PTPRM: variants seen among roughly 807,000 people sequenced by gnomAD.
PTPRM encodes the protein receptor-type tyrosine-protein phosphatase mu.
PTPRM carries 47 observed loss-of-function variants against 186.7 expected under a neutral mutation model. That is an observed-to-expected ratio of 0.25 (90% CI 0.20 to 0.32). PTPRM has a LOEUF of 0.32. Among genes scored for constraint, PTPRM ranks in the 10% least tolerant of loss-of-function variants. The probability of loss-of-function intolerance (pLI) is 1.00; values close to 1 mark genes in which losing one functional copy is unlikely to be tolerated. For synonymous variants in PTPRM, 668 were observed against 674.9 expected, an observed-to-expected ratio of 0.99 and a Z score of 0.16; for missense variants, 1,494 against 1,865.0, an observed-to-expected ratio of 0.80 and a Z score of 3.66.
intron 1 of PTPRM, among the ~76,000 whole-genome samples, chr18:7,601,197 G>A (rs1002109732): frequency 1.3e-5 from 2 of 152,162 alleles, no homozygotes; most frequent in Non-Finnish European, 2.9e-5. Flanking sequence ...TTTCTAGCCC[G>A]CGGTTTCTGA....
At position 8,384,588 on chromosome 18, in the gene PTPRM, G is replaced by A. The variant is rs778904652; in HGVS notation, c.3946G>A (p.Gly1316Arg). Reference sequence around the variant, plus strand: ...GTGTCCACAGTACTGGCCAGAAAACGGAGTACACAGACACGGCCCCATCCA... The same window carrying A: ...GTGTCCACAGTACTGGCCAGAAAACAGAGTACACAGACACGGCCCCATCCA... ...QLCPQYWPEN[G>R]VHRHGPIQVE... is the part of the protein sequence containing the mutation. The change falls in exon 30 of 33, where the codon GGA becomes AGA. Residue 1316 changes from glycine (G) to arginine (R), a missense_variant. This residue lies in a region of PTPRM where 1,107 missense variants were observed against 1,350.2 expected (regional missense o/e 0.82). Transcript: ENST00000580170. 1.6e-5 allele frequency: 26 copies of A among 1,614,144 alleles called. No individual in the cohort carries two copies. The highest frequency in any genetic ancestry group is 1.9e-5 in the Non-Finnish European group (23 of 1,180,002).
Position 7,791,864 on chromosome 18 carries a change from A to G in PTPRM, c.196+17593A>G, listed in dbSNP as rs539462947. ...AGAATTAACTTTATGATGTTTTGATATAAAAGTCAAGAATTAATCCATAAC... is the reference window on the plus strand; with the variant it reads ...AGAATTAACTTTATGATGTTTTGATGTAAAAGTCAAGAATTAATCCATAAC... On this transcript the variant is annotated intron_variant, in intron 2 of 32. Coordinates refer to ENST00000580170, the MANE Select transcript of PTPRM (RefSeq NM_001105244.2). Among the ~76,000 whole-genome samples the G allele has an allele frequency of 1.5e-3, 225 of 152,340 alleles. 7 individuals carry two copies. The South Asian group carries it at 0.042, about 29-fold the overall frequency.
chr18:8,281,618 G>A (rs953169608), intron 19 of PTPRM, among the ~76,000 whole-genome samples: 11 of 152,086 alleles, frequency 7.2e-5, no homozygotes, highest in African/African-American at 2.7e-4. Flanking sequence ...CCTTTCTCTA[G>A]TGGATGCAGG....
chr18:7,808,278 G>A (rs1287276848), intron 2 of PTPRM, among the ~76,000 whole-genome samples: 2 of 148,958 alleles, frequency 1.3e-5, no homozygotes, highest in Admixed American at 6.7e-5. Context: ...TGGTGCAGAC[G>A]GAGGTGGAGG....
At chr18:8,245,280 T>A (rs1037442991) in intron 15 of PTPRM, among the ~76,000 whole-genome samples, 1 of 152,156 alleles carries the variant, frequency 6.6e-6, no homozygotes, top group African/African-American at 2.4e-5. Flanking sequence ...TACATTTTTC[T>A]GCTTGTAGCG....
chr18:7,708,995 G>A (rs1320172616), intron 1 of PTPRM, among the ~76,000 whole-genome samples: 1 of 152,008 alleles, frequency 6.6e-6, no homozygotes, highest in Non-Finnish European at 1.5e-5. Flanking sequence ...TCTTTTTATA[G>A]ATGCTGAAAA....
chr18:7,599,384 A>C (rs141712790), intron 1 of PTPRM, among the ~76,000 whole-genome samples: 4 of 152,252 alleles, frequency 2.6e-5, no homozygotes, highest in African/African-American at 9.6e-5. Context: ...ATGAGAGTTC[A>C]TGCAGGTCTA....
chr18:7,860,242 T>TAGTA (rs2047302798), intron 2 of PTPRM, among the ~76,000 whole-genome samples: 1 of 151,958 alleles, frequency 6.6e-6, no homozygotes, highest in African/African-American at 2.4e-5. Context: ...CCAGCTAATT[T>TAGTA]TTGTATTTTT....
chr18:7,831,046 G>T (rs190778146), intron 2 of PTPRM, among the ~76,000 whole-genome samples: 1 of 152,292 alleles, frequency 6.6e-6, no homozygotes, highest in Admixed American at 6.5e-5. Flanking sequence ...TTCCAGAATT[G>T]TGTTCAGGCA....
At chr18:7,760,143 C>T (rs2041698471) in intron 1 of PTPRM, among the ~76,000 whole-genome samples, 1 of 152,152 alleles carries the variant, frequency 6.6e-6, no homozygotes, top group Admixed American at 6.5e-5. Context: ...TCTCTTTTTG[C>T]TTTAGCATTG....
chr18:7,986,055 T>A (rs752658335), intron 7 of PTPRM, among the ~76,000 whole-genome samples: 35 of 152,264 alleles, frequency 2.3e-4, no homozygotes, highest in Non-Finnish European at 3.5e-4. Context: ...GTCTCAAAAT[T>A]ATGCTTTGAA....
chr18:7,579,366 C>T (rs2036784269), intron 1 of PTPRM, among the ~76,000 whole-genome samples: 2 of 152,316 alleles, frequency 1.3e-5, no homozygotes, highest in South Asian at 2.1e-4. Context: ...AGGAAAGTAA[C>T]AGTGACTCAG....
chr18:8,088,040 A>T (rs886383268), intron 10 of PTPRM, among the ~76,000 whole-genome samples: 2 of 152,194 alleles, frequency 1.3e-5, no homozygotes, highest in Admixed American at 1.3e-4. Context: ...TTGTAGAATT[A>T]TATTTGCCTG....
intron 9 of PTPRM, among the ~76,000 whole-genome samples, chr18:8,083,566 C>G (rs577796069): frequency 1.0e-3 from 155 of 152,244 alleles, no homozygotes; most frequent in Non-Finnish European, 1.7e-3. Context: ...CTATTCGTTT[C>G]TTCCATGGAA....
chr18:8,066,256 C>T (rs1191400946), intron 7 of PTPRM, among the ~76,000 whole-genome samples: 2 of 152,184 alleles, frequency 1.3e-5, no homozygotes, highest in Admixed American at 6.5e-5. Flanking sequence ...AGTCATTGGT[C>T]ATAGCCTATC....
intron 2 of PTPRM, among the ~76,000 whole-genome samples, chr18:7,809,628 C>G (rs2044407321): frequency 6.6e-6 from 1 of 152,178 alleles, no homozygotes; most frequent in Admixed American, 6.5e-5. Flanking sequence ...GCCTCAGCTC[C>G]TGGCCTGAGG....
intron 2 of PTPRM, among the ~76,000 whole-genome samples, chr18:7,867,299 T>C (rs2047757128): frequency 1.3e-5 from 2 of 152,222 alleles, no homozygotes; most frequent in Admixed American, 1.3e-4. Flanking sequence ...GTGTCGATGT[T>C]CTTTACAATT....
In PTPRM at chr18:7,824,427, CTG is replaced by C. The variant is rs10565296; in HGVS notation, c.196+50174_196+50175del. 9.3e-3 allele frequency among the ~76,000 whole-genome samples: 1,395 copies of C among 150,188 alleles called. 12 individuals carry two copies. Among genetic ancestry groups the C allele is most frequent in the African/African-American group, 0.032 (1,287 of 40,728 alleles). On this transcript the variant is annotated intron_variant, in intron 2 of 32. Transcript: ENST00000580170. ...GACGTGGTGATGTGGTTGGATTTTC[CTG>C]TGTGTGTGTGTGTGTGTTTTTTCCT...
intron 1 of PTPRM, among the ~76,000 whole-genome samples, chr18:7,676,663 A>ATGTG (rs765723760): frequency 4.4e-4 from 45 of 103,166 alleles, no homozygotes; most frequent in Admixed American, 7.3e-4. Context: ...GTGTGTGTGT[A>ATGTG]TGTGTGTGTG....
Sources: gnomAD v4.1 joint callset for allele counts (sites outside exome capture counted in the v4.1 genomes callset) on GRCh38, gnomAD v4.1.1 for gene constraint, gnomAD v4.1.1 regional missense constraint, MANE v1.5 for transcripts, NCBI Gene and HGNC (gene_info 2026-07-23, HGNC 2026-07-21) for gene names.